The following TBC1D5 variants were observed in gnomAD, a reference collection of about 807,000 sequenced individuals.
TBC1D5 encodes TBC1 domain family member 5, also known as TBC1 domain family, member 5.
In TBC1D5, 75 loss-of-function variants were observed where a neutral mutation model predicts 100.3. That is an observed-to-expected ratio of 0.75 (90% CI 0.62 to 0.91). The LOEUF is 0.91. Ranked by LOEUF, TBC1D5 falls within the 40% of genes least tolerant of loss-of-function variation. TBC1D5 has a pLI of 0.00. For synonymous variants in TBC1D5, 323 were observed against 325.6 expected (o/e 0.99, Z 0.09); for missense variants, 910 against 942.4 (o/e 0.97, Z 0.45).
At chr3:17,492,432 C>T (rs1207140465) in intron 3 of TBC1D5, among the ~76,000 whole-genome samples, 1 of 149,936 alleles carries the variant, frequency 6.7e-6, no homozygotes, top group South Asian at 2.1e-4. Flanking sequence ...TAGTGCTATA[C>T]ATTTGCAACT....
At chr3:17,222,901 A>C (rs1008845482) in intron 17 of TBC1D5, among the ~76,000 whole-genome samples, 4 of 151,990 alleles carry the variant, frequency 2.6e-5, no homozygotes, top group Non-Finnish European at 5.9e-5. Context: ...AGAAGCATTA[A>C]ATTTTTTTAT....
chr3:17,563,832 G>C (rs1040527388), intron 2 of TBC1D5, among the ~76,000 whole-genome samples: 1 of 152,130 alleles, frequency 6.6e-6, no homozygotes, highest in Admixed American at 6.5e-5. Context: ...GCCCAGGCTG[G>C]AGTGCAGTGG....
intron 1 of TBC1D5, among the ~76,000 whole-genome samples, chr3:17,692,956 C>A (rs1004117629): frequency 1.3e-5 from 2 of 152,230 alleles, no homozygotes; most frequent in African/African-American, 4.8e-5. Context: ...ATGGCAAGAA[C>A]CTGCCTCTAC....
chr3:17,534,503 A>C (rs1330568825), intron 2 of TBC1D5, among the ~76,000 whole-genome samples: 1 of 152,188 alleles, frequency 6.6e-6, no homozygotes, highest in Non-Finnish European at 1.5e-5. Context: ...ATCTGTAGTA[A>C]CAGACTATCA....
chr3:17,497,753 A>G (rs116283500), intron 3 of TBC1D5, among the ~76,000 whole-genome samples: 148 of 152,226 alleles, frequency 9.7e-4, no homozygotes, highest in African/African-American at 3.4e-3. Flanking sequence ...GGAAAGTAGG[A>G]GAATTATTTA....
In TBC1D5 at chr3:17,537,908, A is replaced by G. The variant is rs185977856; in HGVS notation, c.-35-29303T>C. 4.9e-4 allele frequency among the ~76,000 whole-genome samples: 75 copies of G among 152,350 alleles called. No homozygotes were observed. The East Asian group carries it at 0.012, about 25-fold the overall frequency. ...TGCCAAGGCTAAGGACGTGCCTGTG[A>G]CAGCCTCAGGAGGTCCTGACGACAT... On this transcript the variant is annotated intron_variant, in intron 2 of 21. Transcript: ENST00000253692.
chr3:17,680,527 A>C (rs1287209154), intron 1 of TBC1D5, among the ~76,000 whole-genome samples: 1 of 151,342 alleles, frequency 6.6e-6, no homozygotes, highest in Non-Finnish European at 1.5e-5. Flanking sequence ...GTGCCTGGCT[A>C]TTCACTTTTT....
chr3:17,739,358 G>C (rs1342210871), exon 1 of TBC1D5: 1 of 152,174 alleles, frequency 6.6e-6, no homozygotes, highest in Non-Finnish European at 1.5e-5. Context: ...TTCCGGGGTT[G>C]TCCTTCTTAC....
chr3:17,681,233 T>C (rs1165179464), intron 1 of TBC1D5, among the ~76,000 whole-genome samples: 1 of 151,622 alleles, frequency 6.6e-6, no homozygotes, highest in Non-Finnish European at 1.5e-5. Flanking sequence ...ATAATAGGCA[T>C]TTCTGAACAA....
In TBC1D5 at chr3:17,433,083, C is replaced by T. The variant is rs538163930; in HGVS notation, c.98-4564G>A. ...CAGTCTGGAAGAGGGTAGCTACTTT[C>T]CCAGGGTGGGAGTCTGGTACTTAGT... On this transcript the variant is annotated intron_variant, in intron 3 of 21. Coordinates refer to ENST00000253692, the Ensembl canonical transcript of TBC1D5. Among the ~76,000 whole-genome samples, 18 of 148,050 alleles carry T rather than the reference C, an allele frequency of 1.2e-4. No individual in the cohort carries two copies. The East Asian group carries it at 1.6e-3, about 13-fold the overall frequency.
intron 2 of TBC1D5, among the ~76,000 whole-genome samples, chr3:17,558,427 T>C (rs942159563): frequency 4.6e-5 from 7 of 152,142 alleles, no homozygotes; most frequent in Admixed American, 6.5e-5. Context: ...AAAATGGACA[T>C]CTATTTTAAA....
At chr3:17,649,833 C>T (rs923253492) in intron 1 of TBC1D5, among the ~76,000 whole-genome samples, 1 of 152,184 alleles carries the variant, frequency 6.6e-6, no homozygotes, top group Non-Finnish European at 1.5e-5. Context: ...ACTATAAAGA[C>T]ACATGCACAC....
intron 13 of TBC1D5, among the ~76,000 whole-genome samples, chr3:17,319,079 C>T (rs551715650): frequency 7.9e-5 from 12 of 152,156 alleles, no homozygotes; most frequent in Non-Finnish European, 1.0e-4. Flanking sequence ...AATTGTATTT[C>T]GGGCTAATGG....
intron 13 of TBC1D5, chr3:17,340,535 A>C (rs2088712373): frequency 6.6e-6 from 1 of 152,180 alleles, no homozygotes. Context: ...CTATATCAAT[A>C]CCTGATTTAG....
At chr3:17,240,489 T>A (rs9865716) in intron 16 of TBC1D5, among the ~76,000 whole-genome samples, 1 of 152,140 alleles carries the variant, frequency 6.6e-6, no homozygotes, top group African/African-American at 2.4e-5. Context: ...CCTAGTGAAG[T>A]AGAGCATTCT....
chr3:17,280,810 T>G (rs1257243130), intron 15 of TBC1D5, among the ~76,000 whole-genome samples: 3 of 152,188 alleles, frequency 2.0e-5, no homozygotes, highest in Admixed American at 6.5e-5. Flanking sequence ...ACACTGACCC[T>G]CCACTGAGCT....
At chr3:17,477,071 A>AG (rs1322756256) in intron 3 of TBC1D5, among the ~76,000 whole-genome samples, 1 of 151,922 alleles carries the variant, frequency 6.6e-6, no homozygotes, top group Non-Finnish European at 1.5e-5. Context: ...ATATTAAAGA[A>AG]GGTCTCCTCA....
At chr3:17,559,327 G>T (rs1305289709) in intron 2 of TBC1D5, among the ~76,000 whole-genome samples, 1 of 151,732 alleles carries the variant, frequency 6.6e-6, no homozygotes, top group East Asian at 2.0e-4. Context: ...TTTTGGTAGA[G>T]ATCGGGTTTC....
At chr3:17,569,319 G>A (rs1267243369) in intron 2 of TBC1D5, among the ~76,000 whole-genome samples, 2 of 151,676 alleles carry the variant, frequency 1.3e-5, no homozygotes, top group African/African-American at 4.8e-5. Flanking sequence ...CATAATGTAG[G>A]CTAGAAAAGT....
Sources: allele counts gnomAD v4.1 joint callset (sites outside exome capture counted in the v4.1 genomes callset), GRCh38; gene constraint gnomAD v4.1.1; transcripts MANE v1.5; gene names NCBI Gene and HGNC (gene_info 2026-07-23, HGNC 2026-07-21).